Variants in WDR27 observed in about 807,000 individuals in gnomAD.
The protein encoded by WDR27 is WD repeat-containing protein 27.
Under a neutral mutation model 114.4 loss-of-function variants are expected in WDR27, and 100 were observed. The ratio of observed to expected loss-of-function variants is 0.87; its 90% CI spans 0.74 to 1.03. The LOEUF (loss-of-function observed/expected upper bound fraction) is 1.03, where lower values mean the gene tolerates loss of function less well. Among genes scored for constraint, WDR27 ranks in the 50% least tolerant of loss-of-function variants. The pLI is 0.00. For missense variants in WDR27, 1,129 were observed against 1,092.9 expected (o/e 1.03, Z -0.47); for synonymous variants, 449 against 423.1 (o/e 1.06, Z -0.75).
Position 169,688,961 on chromosome 6 carries a change from T to G in WDR27, c.45A>C (p.Leu15=). The change falls in exon 2 of 26, where the codon CTA becomes CTC. Residue 15 remains leucine, a synonymous_variant. Coordinates refer to ENST00000448612, the MANE Select transcript of WDR27 (RefSeq NM_182552.5). ...GGTATTTTTCTATAACTATATCACT[T>G]AGACAGCCACCATTACTTGAGAAAA... is the stretch of plus-strand genomic sequence containing the variant. ...QDIFSSNGGC[L]SDIVIEKYLV... is the part of the protein sequence containing the mutation. 28 of 1,613,220 alleles carry G rather than the reference T, an allele frequency of 1.7e-5. No individual in the cohort carries two copies. The highest frequency in any genetic ancestry group is 2.4e-5 in the Non-Finnish European group (28 of 1,179,664).
intron 20 of WDR27, among the ~76,000 whole-genome samples, chr6:169,633,648 T>C (rs1217891997): frequency 2.0e-5 from 3 of 152,174 alleles, no homozygotes; most frequent in Non-Finnish European, 4.4e-5. Flanking sequence ...GCTGTAGTAA[T>C]GTGTATAGGT....
intron 3 of WDR27, 117 bp downstream of exon 3, chr6:169,672,138 C>G (rs772292748): frequency 9.5e-7 from 1 of 1,052,706 alleles, no homozygotes; most frequent in Admixed American, 2.9e-5. Flanking sequence ...TTATCCCAAA[C>G]CCCCCGAGGG....
chr6:169,625,614 T>C (rs913049053), intron 21 of WDR27, among the ~76,000 whole-genome samples: 3 of 152,224 alleles, frequency 2.0e-5, no homozygotes, highest in African/African-American at 7.2e-5. Context: ...CCCCGTTCAC[T>C]GGGCTCACTG....
At chr6:169,658,111 G>C in intron 13 of WDR27, 165 bp downstream of exon 13, 2 of 600,988 alleles carry the variant, frequency 3.3e-6, no homozygotes, top group Non-Finnish European at 6.0e-6. Context: ...CACCACAGCG[G>C]ACATGGAACA....
intron 25 of WDR27, among the ~76,000 whole-genome samples, chr6:169,519,433 G>C (rs774143019): frequency 3.3e-5 from 5 of 152,188 alleles, no homozygotes; most frequent in Admixed American, 6.5e-5. Flanking sequence ...CTTGGCTCCT[G>C]AGGAGGACTC....
chr6:169,516,641 T>C (rs888930034), intron 25 of WDR27, among the ~76,000 whole-genome samples: 1 of 152,096 alleles, frequency 6.6e-6, no homozygotes, highest in Non-Finnish European at 1.5e-5. Context: ...AAAGTTCTAT[T>C]ACATCCTGGA....
chr6:169,620,764 G>T (rs756985764), intron 21 of WDR27, among the ~76,000 whole-genome samples: 11 of 152,138 alleles, frequency 7.2e-5, no homozygotes, highest in Non-Finnish European at 1.6e-4. Flanking sequence ...AACTGACCGA[G>T]ACCTGTCTTA....
the WDR27 span, among the ~76,000 whole-genome samples, chr6:169,428,855 G>A: frequency 2.6e-5 from 4 of 152,192 alleles, no homozygotes; most frequent in Non-Finnish European, 4.4e-5. Context: ...TCCCGTGAAG[G>A]AAGTCTTCGT....
intron 2 of WDR27, among the ~76,000 whole-genome samples, chr6:169,674,483 G>C (rs755250639): frequency 6.6e-6 from 1 of 152,030 alleles, no homozygotes; most frequent in South Asian, 2.1e-4. Flanking sequence ...ATGTTGCTGA[G>C]GAAAAGATTG....
rs1355637252 is a variant in WDR27 at position 169,461,636 on chromosome 6, A to C, written c.2646-4002T>G. On this transcript the variant is annotated intron_variant, in intron 25 of 25. Transcript: ENST00000448612. The stretch of plus-strand genomic sequence containing the variant: ...GTTAAGGGGGGAATTTATAGCTATA[A>C]ATGCTTGTATTAAAAAAAAAACAAA... Among the ~76,000 whole-genome samples, 3 of 147,504 alleles carry C rather than the reference A, an allele frequency of 2.0e-5. No homozygotes were observed. The Admixed American group carries it at 2.1e-4, about 10-fold the overall frequency.
intron 25 of WDR27, among the ~76,000 whole-genome samples, chr6:169,459,148 C>G (rs1784621962): frequency 6.6e-6 from 1 of 152,086 alleles, no homozygotes; most frequent in African/African-American, 2.4e-5. Flanking sequence ...GATGGCACTT[C>G]TACAGCACAA....
chr6:169,698,699 C>T (rs7752571), intron 1 of WDR27, among the ~76,000 whole-genome samples: 2,465 of 152,308 alleles, frequency 0.016, 40 homozygotes, highest in African/African-American at 0.041. Flanking sequence ...GTCTGGAAAG[C>T]ACACCATGCA....
intron 25 of WDR27, among the ~76,000 whole-genome samples, chr6:169,474,196 A>C (rs1205074869): frequency 6.6e-6 from 1 of 152,240 alleles, no homozygotes; most frequent in South Asian, 2.1e-4. Flanking sequence ...TAACAAAGAA[A>C]TATGGTGTTG....
chr6:169,584,833 A>G (rs1019463644), intron 23 of WDR27, among the ~76,000 whole-genome samples: 6 of 152,182 alleles, frequency 3.9e-5, no homozygotes, highest in African/African-American at 9.7e-5. Context: ...TGGTTTGCAA[A>G]TAATTTTTCC....
rs559564293 is a variant in WDR27, at chr6:169,457,489, A to T, written c.*103T>A. 5 of 973,852 alleles carry T rather than the reference A, an allele frequency of 5.1e-6. 1 individual carries two copies. The African/African-American group carries it at 8.4e-5, about 16-fold the overall frequency. 60.3% of individuals were successfully genotyped at this position (973,852 alleles called of 1,614,324 possible). ...AGGCAAGTCTCAAAATATGAAAAAC[A>T]GTTGCTGCTTCTGGCCCCCTGATGG... On this transcript the variant is annotated 3_prime_UTR_variant, in exon 26 of 26. Transcript: ENST00000448612.
chr6:169,462,465 A>G (rs1048767898), intron 25 of WDR27, among the ~76,000 whole-genome samples: 24 of 151,902 alleles, frequency 1.6e-4, no homozygotes, highest in African/African-American at 5.1e-4. Flanking sequence ...AGAGAGAGGG[A>G]GGGAGGAGAG....
At chr6:169,455,645 A>G (rs897740077), downstream of WDR27, among the ~76,000 whole-genome samples, 2 of 152,238 alleles carry the variant, frequency 1.3e-5, no homozygotes, top group Non-Finnish European at 2.9e-5. Context: ...TTGAGTCTAC[A>G]GTGGCCAAGT....
chr6:169,442,521 T>G, the WDR27 span, among the ~76,000 whole-genome samples: 1 of 152,200 alleles, frequency 6.6e-6, no homozygotes, highest in African/African-American at 2.4e-5. Context: ...TTCCTTAAGA[T>G]CTTCTAATTT....
At chr6:169,569,393 C>T (rs983145850) in intron 25 of WDR27, among the ~76,000 whole-genome samples, 1 of 152,136 alleles carries the variant, frequency 6.6e-6, no homozygotes, top group Non-Finnish European at 1.5e-5. Flanking sequence ...CAGATTAAAT[C>T]CCTCAGGCAA....
Sources: allele counts gnomAD v4.1 joint callset (sites outside exome capture counted in the v4.1 genomes callset), GRCh38; gene constraint gnomAD v4.1.1; transcripts MANE v1.5; gene names NCBI Gene and HGNC (gene_info 2026-07-23, HGNC 2026-07-21).